RETREG1: variants seen among roughly 807,000 people sequenced by gnomAD.
RETREG1 encodes the protein family with sequence similarity 134 member B.
In RETREG1, 44 loss-of-function variants were observed where a neutral mutation model predicts 54.8. That is an observed-to-expected ratio of 0.80 (90% confidence interval 0.63 to 1.03). The LOEUF is 1.03. Ranked by LOEUF, RETREG1 falls within the 50% of genes least tolerant of loss-of-function variation. The probability of loss-of-function intolerance (pLI) is 0.00; values close to 1 mark genes in which losing one functional copy is unlikely to be tolerated. For missense variants in RETREG1, 554 were observed against 605.1 expected (o/e 0.92, Z 0.89); for synonymous variants, 217 against 238.5 (o/e 0.91, Z 0.83).
chr5:16,565,639 G>A, intron 3 of RETREG1, 124 bp downstream of exon 3: 1 of 1,051,122 alleles, frequency 9.5e-7, no homozygotes, highest in South Asian at 1.3e-5. Flanking sequence ...TTCCCACTCT[G>A]GTAAATTACT....
chr5:16,499,101 G>A (rs1246098028), intron 3 of RETREG1, among the ~76,000 whole-genome samples: 1 of 124,718 alleles, frequency 8.0e-6, no homozygotes, highest in African/African-American at 3.0e-5. Context: ...AAAATTTTTT[G>A]TTAAAAACTA....
intron 3 of RETREG1, among the ~76,000 whole-genome samples, chr5:16,520,567 A>G (rs1579640630): frequency 6.6e-6 from 1 of 151,584 alleles, no homozygotes; most frequent in Non-Finnish European, 1.5e-5. Flanking sequence ...TGACCTTGTG[A>G]TCCTCCTGCC....
intron 3 of RETREG1, among the ~76,000 whole-genome samples, chr5:16,517,997 AAGAG>A (rs1554018880): frequency 6.6e-6 from 1 of 151,468 alleles, no homozygotes; most frequent in African/African-American, 2.4e-5. Flanking sequence ...TAGTTAGTAA[AAGAG>A]AGAGAGAAAG....
intron 1 of RETREG1, among the ~76,000 whole-genome samples, chr5:16,578,915 G>T (rs1266253918): frequency 6.6e-6 from 1 of 152,184 alleles, no homozygotes; most frequent in East Asian, 1.9e-4. Flanking sequence ...AGAAAACAGA[G>T]CCAGTAACTA....
intron 1 of RETREG1, among the ~76,000 whole-genome samples, chr5:16,599,577 TC>T (rs1310141981): frequency 6.6e-6 from 1 of 152,094 alleles, no homozygotes; most frequent in African/African-American, 2.4e-5. Context: ...GCAGAGGGTG[TC>T]ACTAAAGTTT....
chr5:16,555,367 G>A (rs924723368), intron 3 of RETREG1, among the ~76,000 whole-genome samples: 1 of 152,132 alleles, frequency 6.6e-6, no homozygotes, highest in African/African-American at 2.4e-5. Context: ...GGCCAGGCTG[G>A]TCTCAAATTC....
rs1464676652 is a variant in RETREG1, at chr5:16,474,655, A to AT, written c.*85dup. ...AGTAATCATTAAAGCTTACAGTTCA[A>AT]TTTTTTTCTTTTCCTTTTTTTTTTT... On this transcript the variant is annotated 3_prime_UTR_variant, in exon 9 of 9. Coordinates refer to ENST00000306320, the MANE Select transcript of RETREG1 (RefSeq NM_001034850.3). The AT allele has an allele frequency of 1.3e-5, 20 of 1,499,732 alleles. No individual in the cohort carries two copies. The East Asian group carries it at 3.4e-4, about 26-fold the overall frequency. 92.9% of individuals were successfully genotyped at this position (1,499,732 alleles called of 1,614,324 possible).
Position 16,599,029 on chromosome 5 carries a change from C to T in RETREG1, c.320+17623G>A, listed in dbSNP as rs953651609. ...AGGAGTTGAGTGAGACCCCAGAGTG[C>T]GTCCCCATCTCTACAAAAAATTTTA... On this transcript the variant is annotated intron_variant, in intron 1 of 8. Transcript: ENST00000306320. Among the ~76,000 whole-genome samples, 41 of 152,096 alleles carry T rather than the reference C, an allele frequency of 2.7e-4. 1 individual carries two copies. Among genetic ancestry groups the T allele is most frequent in the African/African-American group, 9.6e-4 (40 of 41,502 alleles).
At chr5:16,492,229 T>TCTCACA (rs1406702350) in intron 3 of RETREG1, among the ~76,000 whole-genome samples, 1,194 of 110,610 alleles carry the variant, frequency 0.011, 7 homozygotes, top group Middle Eastern at 0.032. Context: ...TCTCTCTCTC[T>TCTCACA]CACACACACA....
chr5:16,590,876 T>TAC (rs35072010), intron 1 of RETREG1, among the ~76,000 whole-genome samples: 1 of 148,674 alleles, frequency 6.7e-6, no homozygotes, highest in African/African-American at 2.5e-5. Context: ...CATGCAAACA[T>TAC]ACACACACAC....
chr5:16,607,216 T>A (rs1300112690), intron 1 of RETREG1, among the ~76,000 whole-genome samples: 1 of 151,134 alleles, frequency 6.6e-6, no homozygotes, highest in East Asian at 2.0e-4. Context: ...GTTTATTGTA[T>A]TTTTTTTTAC....
chr5:16,535,509 G>A (rs540621754), intron 3 of RETREG1, among the ~76,000 whole-genome samples: 1 of 152,212 alleles, frequency 6.6e-6, no homozygotes, highest in East Asian at 1.9e-4. Flanking sequence ...TTCACAGAGT[G>A]GGAGCTGGAA....
chr5:16,592,353 A>G (rs1194764679), intron 1 of RETREG1, among the ~76,000 whole-genome samples: 1 of 152,240 alleles, frequency 6.6e-6, no homozygotes, highest in Non-Finnish European at 1.5e-5. Flanking sequence ...ACCATGAGAT[A>G]TCATCTTACA....
intron 1 of RETREG1, among the ~76,000 whole-genome samples, chr5:16,613,475 A>G (rs1345181467): frequency 6.6e-6 from 1 of 152,138 alleles, no homozygotes; most frequent in Non-Finnish European, 1.5e-5. Context: ...ATCTTCCACC[A>G]CACTTAATTC....
At position 16,585,445 on chromosome 5, in the gene RETREG1, T is replaced by G. The variant is rs1270231933; in HGVS notation, c.321-13343A>C. Among the ~76,000 whole-genome samples the G allele has an allele frequency of 6.6e-6, 1 of 152,080 alleles. No individual in the cohort carries two copies. The highest frequency in any genetic ancestry group is 2.4e-5 in the African/African-American group (1 of 41,416). On this transcript the variant is annotated intron_variant, in intron 1 of 8. Transcript: ENST00000306320. The surrounding 1 kb of genome is among the most constrained non-coding windows in gnomAD (Gnocchi z 4.5). ...TGAGAAAAGCCATGGGTAAATCAAGTCAGGGGCACCCTAGGGCAGTGCAAT... is the reference window on the plus strand; with the variant it reads ...TGAGAAAAGCCATGGGTAAATCAAGGCAGGGGCACCCTAGGGCAGTGCAAT...
chr5:16,572,172 T>C (rs1579695880), intron 1 of RETREG1, 70 bp from the exon 2 acceptor site: 14 of 1,078,254 alleles, frequency 1.3e-5, no homozygotes. Flanking sequence ...TGGGTTTACT[T>C]CCTGCCACAG....
At chr5:16,508,996 G>C (rs1223340877) in intron 3 of RETREG1, 3 of 1,020,972 alleles carry the variant, frequency 2.9e-6, no homozygotes, top group Non-Finnish European at 3.5e-6. Context: ...ACCTTCATTG[G>C]ATGACTTCAC....
intron 3 of RETREG1, among the ~76,000 whole-genome samples, chr5:16,512,926 C>T (rs187846022): frequency 3.3e-5 from 5 of 151,120 alleles, no homozygotes; most frequent in Non-Finnish European, 7.4e-5. Context: ...CCAGAAACAC[C>T]GAGAGACCAA....
At chr5:16,517,018 G>A (rs958445511) in intron 3 of RETREG1, among the ~76,000 whole-genome samples, 18 of 152,162 alleles carry the variant, frequency 1.2e-4, no homozygotes, top group Non-Finnish European at 2.4e-4. Context: ...CCTGCAGGGG[G>A]AACAATACTG....
Sources: allele counts gnomAD v4.1 joint callset (sites outside exome capture counted in the v4.1 genomes callset), GRCh38; gene constraint gnomAD v4.1.1; non-coding constraint Gnocchi (gnomAD v3.1); transcripts MANE v1.5; gene names NCBI Gene and HGNC (gene_info 2026-07-23, HGNC 2026-07-21).